The following ZFPM2 variants were observed in gnomAD, a reference collection of about 807,000 sequenced individuals.
The protein encoded by ZFPM2 is zinc finger protein ZFPM2.
In ZFPM2, 20 loss-of-function variants were observed where a neutral mutation model predicts 98.6. That is an observed-to-expected ratio of 0.20 (90% CI 0.14 to 0.29). The LOEUF (loss-of-function observed/expected upper bound fraction) is 0.29, where lower values mean the gene tolerates loss of function less well. Ranked by LOEUF, ZFPM2 falls within the 10% of genes least tolerant of loss-of-function variation. The pLI, the probability that ZFPM2 is intolerant of heterozygous loss-of-function variation, is 1.00. For missense variants in ZFPM2, 1,310 were observed against 1,388.6 expected (o/e 0.94, Z 0.90); for synonymous variants, 518 against 502.7 (o/e 1.03, Z -0.41).
chr8:105,481,401 C>T (rs577180163), intron 3 of ZFPM2, among the ~76,000 whole-genome samples: 170 of 152,232 alleles, frequency 1.1e-3, no homozygotes, highest in African/African-American at 3.8e-3. Flanking sequence ...TCCTGGCTTG[C>T]AGATGGCCAC....
intron 5 of ZFPM2, among the ~76,000 whole-genome samples, chr8:105,635,048 T>G (rs770918515): frequency 3.0e-4 from 46 of 152,168 alleles, no homozygotes; most frequent in Non-Finnish European, 3.4e-4. Context: ...TCACGTGTGG[T>G]GTAGTTTTGG....
intron 4 of ZFPM2, among the ~76,000 whole-genome samples, chr8:105,586,866 T>A (rs1005796394): frequency 7.7e-5 from 11 of 142,556 alleles, no homozygotes; most frequent in Admixed American, 5.6e-4. Flanking sequence ...ATATATATAT[T>A]CTTTTGAGCA....
chr8:105,767,800 G>A (rs1025783692), intron 5 of ZFPM2, among the ~76,000 whole-genome samples: 10 of 151,804 alleles, frequency 6.6e-5, no homozygotes, highest in African/African-American at 1.7e-4. Flanking sequence ...CTAAGCTTCC[G>A]TTGCTATTTT....
intron 3 of ZFPM2, among the ~76,000 whole-genome samples, chr8:105,449,231 G>A (rs1260405382): frequency 6.6e-6 from 1 of 151,966 alleles, no homozygotes; most frequent in Non-Finnish European, 1.5e-5. Flanking sequence ...CAGGCTTATA[G>A]CAGCTATAAT....
intron 4 of ZFPM2, among the ~76,000 whole-genome samples, chr8:105,616,232 A>G (rs938091449): frequency 3.3e-5 from 5 of 152,172 alleles, no homozygotes; most frequent in Non-Finnish European, 7.4e-5. Flanking sequence ...AAAACAATAC[A>G]TAAAAAATCT....
chr8:105,602,510 C>G (rs1430652873), intron 4 of ZFPM2, among the ~76,000 whole-genome samples: 1 of 152,110 alleles, frequency 6.6e-6, no homozygotes, highest in Admixed American at 6.6e-5. Flanking sequence ...TTATCTTCAA[C>G]CTGGCCTAAG....
At chr8:105,758,455 C>T (rs1490574937) in intron 5 of ZFPM2, among the ~76,000 whole-genome samples, 1 of 152,006 alleles carries the variant, frequency 6.6e-6, no homozygotes, top group Non-Finnish European at 1.5e-5. Flanking sequence ...TCAAGTTAAT[C>T]CAAATTTAAT....
intron 5 of ZFPM2, among the ~76,000 whole-genome samples, chr8:105,688,666 A>C (rs1810803171): frequency 6.6e-6 from 1 of 152,126 alleles, no homozygotes; most frequent in South Asian, 2.1e-4. Flanking sequence ...ATCAGAAGGA[A>C]GATATTATAT....
At position 105,803,119 on chromosome 8, in the gene ZFPM2, G is replaced by A. The variant is rs200487685; in HGVS notation, c.3037G>A (p.Glu1013Lys). 6.2e-7 allele frequency: 1 copy of A among 1,613,908 alleles called. No homozygotes were observed. The highest frequency in any genetic ancestry group is 1.1e-5 in the South Asian group (1 of 91,064). ...DIEQSRNAEN[E>K]SPKGQASSNG... is the part of the protein sequence containing the mutation. ...CGAGCAAAGCAGAAATGCAGAAAAT[G>A]AATCTCCTAAAGGCCAGGCTTCCTC... is the stretch of plus-strand genomic sequence containing the variant. Residue 1013 changes from glutamate to lysine, a missense_variant, in exon 8 of 8, where the codon GAA becomes AAA. Transcript: ENST00000407775.
intron 4 of ZFPM2, among the ~76,000 whole-genome samples, chr8:105,617,582 G>C (rs1271341472): frequency 2.0e-5 from 3 of 152,174 alleles, no homozygotes; most frequent in African/African-American, 7.2e-5. Context: ...TGCTCAGATT[G>C]CATACTGATG....
rs1419886446 is a variant in ZFPM2 at position 105,801,325 on chromosome 8, T to C, written c.1243T>C (p.Leu415=). The part of the protein sequence containing the change: ...EDSLQPATDL[L]TRSELPQSQK... ...CAGCTTACAGCCAGCCACAGACTTATTGACCAGAAGCGAACTTCCCCAGAG... is the reference window on the plus strand; with the variant it reads ...CAGCTTACAGCCAGCCACAGACTTACTGACCAGAAGCGAACTTCCCCAGAG... Residue 415 remains leucine (L), a synonymous_variant, in exon 8 of 8, where the codon TTG becomes CTG. Coordinates refer to ENST00000407775, the MANE Select transcript of ZFPM2 (RefSeq NM_012082.4). The C allele has an allele frequency of 9.9e-6, 16 of 1,613,848 alleles. No individual in the cohort carries two copies. Among genetic ancestry groups the C allele is most frequent in the African/African-American group, 8.0e-5 (6 of 74,920 alleles).
At chr8:105,647,060 T>C (rs558467375) in intron 5 of ZFPM2, among the ~76,000 whole-genome samples, 1 of 152,330 alleles carries the variant, frequency 6.6e-6, no homozygotes, top group South Asian at 2.1e-4. Context: ...ATCCTCCCTC[T>C]CAAGGTACCA....
At chr8:105,732,187 C>A (rs1811956910) in intron 5 of ZFPM2, among the ~76,000 whole-genome samples, 1 of 151,742 alleles carries the variant, frequency 6.6e-6, no homozygotes, top group South Asian at 2.1e-4. Context: ...ATTCATATTC[C>A]TATGCATACG....
At chr8:105,554,222 A>G (rs1209743373) in intron 3 of ZFPM2, among the ~76,000 whole-genome samples, 1 of 152,164 alleles carries the variant, frequency 6.6e-6, no homozygotes, top group South Asian at 2.1e-4. Context: ...AAATGGTGCT[A>G]TTTGTCTCAA....
At chr8:105,514,860 A>C (rs1813888466) in intron 3 of ZFPM2, among the ~76,000 whole-genome samples, 2 of 152,192 alleles carry the variant, frequency 1.3e-5, no homozygotes, top group Non-Finnish European at 2.9e-5. Flanking sequence ...GCACGCAGTG[A>C]ACTTAATATC....
At chr8:105,761,786 A>G (rs1290533747) in intron 5 of ZFPM2, among the ~76,000 whole-genome samples, 1 of 152,060 alleles carries the variant, frequency 6.6e-6, no homozygotes, top group Non-Finnish European at 1.5e-5. Flanking sequence ...TTTTAACAGT[A>G]TAACATTTTG....
intron 5 of ZFPM2, among the ~76,000 whole-genome samples, chr8:105,732,410 A>G (rs1811961721): frequency 6.6e-6 from 1 of 151,818 alleles, no homozygotes; most frequent in Non-Finnish European, 1.5e-5. Flanking sequence ...TCTGGATTAA[A>G]TATGTTCTGC....
intron 1 of ZFPM2, among the ~76,000 whole-genome samples, chr8:105,359,346 C>CT (rs1238090163): frequency 6.7e-6 from 1 of 148,720 alleles, no homozygotes; most frequent in East Asian, 2.0e-4. Context: ...GTATTTCTTT[C>CT]TTTTCTTTTT....
Position 105,443,328 on chromosome 8 carries a change from A to AAAAAAAAAAAC in ZFPM2, c.200-942_200-941insCAAAAAAAAAA, listed in dbSNP as rs1812300139. ...ACTCCTTCTCAAAAAACAAAAAACA[A>AAAAAAAAAAAC]AAAAAAAAAAACTTGGCATTATTAA... On this transcript the variant is annotated intron_variant, in intron 2 of 7. Coordinates refer to ENST00000407775, the MANE Select transcript of ZFPM2 (RefSeq NM_012082.4). Among the ~76,000 whole-genome samples the AAAAAAAAAAAC allele has an allele frequency of 2.0e-5, 3 of 146,544 alleles. 1 individual carries two copies. Among genetic ancestry groups the AAAAAAAAAAAC allele is most frequent in the African/African-American group, 7.7e-5 (3 of 39,046 alleles).
Sources: allele counts gnomAD v4.1 joint callset (sites outside exome capture counted in the v4.1 genomes callset), GRCh38; gene constraint gnomAD v4.1.1; transcripts MANE v1.5; gene names NCBI Gene and HGNC (gene_info 2026-07-23, HGNC 2026-07-21).